The following CTNNA3 variants were observed in gnomAD, a reference collection of about 807,000 sequenced individuals.
CTNNA3 encodes the protein catenin alpha-3.
Under a neutral mutation model 95.7 loss-of-function variants are expected in CTNNA3, and 76 were observed. The ratio of observed to expected loss-of-function variants is 0.79; its 90% CI spans 0.66 to 0.96. CTNNA3 has a LOEUF of 0.96. Among genes scored for constraint, CTNNA3 ranks in the 40% least tolerant of loss-of-function variants. CTNNA3 has a pLI of 0.00. For missense variants in CTNNA3, 1,191 were observed against 1,089.8 expected, an observed-to-expected ratio of 1.09 and a Z score of -1.31; for synonymous variants, 431 against 374.4, an observed-to-expected ratio of 1.15 and a Z score of -1.74.
At chr10:66,782,536 T>A (rs772529100) in intron 7 of CTNNA3, among the ~76,000 whole-genome samples, 13 of 152,206 alleles carry the variant, frequency 8.5e-5, no homozygotes, top group Non-Finnish European at 1.5e-4. Flanking sequence ...TGTTCTTTCA[T>A]TAATCTCTTC....
intron 10 of CTNNA3, among the ~76,000 whole-genome samples, chr10:66,523,688 T>C (rs556992168): frequency 6.6e-6 from 1 of 152,310 alleles, no homozygotes; most frequent in African/African-American, 2.4e-5. Flanking sequence ...ATCTAGTCTG[T>C]CAGTTTACCT....
chr10:66,300,295 C>T (rs1434459301), intron 12 of CTNNA3, among the ~76,000 whole-genome samples: 2 of 152,048 alleles, frequency 1.3e-5, no homozygotes, highest in Non-Finnish European at 2.9e-5. Flanking sequence ...AGAAATAGTA[C>T]ACTTGCAAGG....
intron 5 of CTNNA3, among the ~76,000 whole-genome samples, chr10:67,499,151 T>C (rs1839143575): frequency 6.6e-6 from 1 of 152,216 alleles, no homozygotes; most frequent in Admixed American, 6.5e-5. Context: ...TGAAGCGGTG[T>C]TGAATTTTGT....
intron 11 of CTNNA3, among the ~76,000 whole-genome samples, chr10:66,484,059 C>T (rs760886688): frequency 4.6e-5 from 7 of 151,972 alleles, no homozygotes; most frequent in Non-Finnish European, 7.4e-5. Context: ...CTTGTGGTTG[C>T]TATAAGTATA....
chr10:66,324,307 G>A (rs1356253259), intron 12 of CTNNA3, among the ~76,000 whole-genome samples: 1 of 152,004 alleles, frequency 6.6e-6, no homozygotes. Flanking sequence ...GCAACAGAGC[G>A]AGACTGCATC....
chr10:66,086,326 AG>A (rs1469905595), intron 14 of CTNNA3, among the ~76,000 whole-genome samples: 1 of 152,144 alleles, frequency 6.6e-6, no homozygotes, highest in East Asian at 1.9e-4. Flanking sequence ...GGGTGTTTGG[AG>A]GAATCTTTCA....
intron 7 of CTNNA3, among the ~76,000 whole-genome samples, chr10:66,952,582 G>C (rs1413978365): frequency 6.6e-6 from 1 of 152,194 alleles, no homozygotes; most frequent in South Asian, 2.1e-4. Flanking sequence ...TGTGCATCAT[G>C]ATGATGTACT....
intron 13 of CTNNA3, among the ~76,000 whole-genome samples, chr10:66,113,351 A>G (rs2082190802): frequency 1.3e-5 from 2 of 152,198 alleles, no homozygotes. Context: ...GTTTGAATTA[A>G]GCTCTACGAA....
rs747604685 is a variant in CTNNA3 at position 65,988,814 on chromosome 10, A to G, written c.2160-17T>C. ...CCTTTGCCCCTGGAAAAAAATTTAT[A>G]TATGTTAGCTGTGGTGTTCATGAGA... On this transcript the variant is annotated splice_polypyrimidine_tract_variant and intron_variant, in intron 15 of 17. Coordinates refer to ENST00000433211, the MANE Select transcript of CTNNA3 (RefSeq NM_013266.4). The G allele has an allele frequency of 1.1e-5, 18 of 1,579,516 alleles. No homozygotes were observed. The highest frequency in any genetic ancestry group is 1.4e-5 in the Non-Finnish European group (16 of 1,149,914).
chr10:67,694,197 A>C (rs1252854228), intron 1 of CTNNA3, among the ~76,000 whole-genome samples: 1 of 152,196 alleles, frequency 6.6e-6, no homozygotes, highest in Non-Finnish European at 1.5e-5. Flanking sequence ...TTTCAGGCAG[A>C]GCTGAAGTAT....
At chr10:66,973,974 C>T (rs1017852342) in intron 7 of CTNNA3, among the ~76,000 whole-genome samples, 1 of 152,098 alleles carries the variant, frequency 6.6e-6, no homozygotes, top group Non-Finnish European at 1.5e-5. Context: ...AAACAAAATG[C>T]ATAAAGTATA....
At chr10:67,656,974 G>T (rs1036809082) in intron 1 of CTNNA3, among the ~76,000 whole-genome samples, 10 of 152,118 alleles carry the variant, frequency 6.6e-5, no homozygotes, top group African/African-American at 2.4e-4. Flanking sequence ...AAGGGCAAAA[G>T]AAAAAATAGG....
chr10:67,000,676 T>C (rs1658037666), intron 7 of CTNNA3, among the ~76,000 whole-genome samples: 1 of 152,132 alleles, frequency 6.6e-6, no homozygotes, highest in South Asian at 2.1e-4. Flanking sequence ...TAAACTGAAT[T>C]AGATATATGA....
intron 5 of CTNNA3, among the ~76,000 whole-genome samples, chr10:67,372,181 T>C (rs1428960476): frequency 6.6e-6 from 1 of 152,228 alleles, no homozygotes; most frequent in African/African-American, 2.4e-5. Flanking sequence ...GTAGGTTGCC[T>C]ATTCACTCTG....
chr10:66,198,913 GT>G (rs1164206815), intron 13 of CTNNA3, among the ~76,000 whole-genome samples: 1 of 152,138 alleles, frequency 6.6e-6, no homozygotes, highest in Non-Finnish European at 1.5e-5. Flanking sequence ...GAAGAAATAT[GT>G]TTTCATTCAG....
At chr10:67,660,544 G>C (rs2133522397) in intron 1 of CTNNA3, among the ~76,000 whole-genome samples, 1 of 152,250 alleles carries the variant, frequency 6.6e-6, no homozygotes, top group Admixed American at 6.5e-5. Context: ...GAGATTAATA[G>C]ATACTATTTG....
At chr10:67,192,234 G>A (rs1863150650) in intron 6 of CTNNA3, among the ~76,000 whole-genome samples, 1 of 151,926 alleles carries the variant, frequency 6.6e-6, no homozygotes, top group East Asian at 1.9e-4. Context: ...ATTTAAGTGG[G>A]ACTACTTATA....
chr10:66,538,929 A>C (rs1315844775), intron 10 of CTNNA3, among the ~76,000 whole-genome samples: 1 of 152,144 alleles, frequency 6.6e-6, no homozygotes, highest in Admixed American at 6.6e-5. Flanking sequence ...TGATTTTCTA[A>C]CTTATCAGTA....
chr10:67,078,387 GAGAA>G (rs1049718015), intron 7 of CTNNA3, among the ~76,000 whole-genome samples: 20 of 152,268 alleles, frequency 1.3e-4, no homozygotes, highest in African/African-American at 4.8e-4. Context: ...GTAAGGAAAT[GAGAA>G]AGAAAATGAT....
Sources: gnomAD v4.1 joint callset for allele counts (sites outside exome capture counted in the v4.1 genomes callset) on GRCh38, gnomAD v4.1.1 for gene constraint, MANE v1.5 for transcripts, NCBI Gene and HGNC (gene_info 2026-07-23, HGNC 2026-07-21) for gene names.